Variants in ATRNL1 observed in about 807,000 individuals in gnomAD.
ATRNL1 encodes the protein attractin like 1, also known as attractin-like protein 1.
In ATRNL1, 95 loss-of-function variants were observed where a neutral mutation model predicts 182.7. The ratio of observed to expected loss-of-function variants is 0.52; its 90% CI spans 0.44 to 0.62. The LOEUF (loss-of-function observed/expected upper bound fraction) is 0.62. ATRNL1 is among the 20% of genes least tolerant of loss of function. The pLI, the probability that ATRNL1 is intolerant of heterozygous loss-of-function variation, is 0.00. For synonymous variants in ATRNL1, 576 were observed against 568.3 expected (o/e 1.01, Z -0.19); for missense variants, 1,471 against 1,679.5 (o/e 0.88, Z 2.17).
chr10:115,113,304 C>T (rs548506476), intron 1 of ATRNL1, among the ~76,000 whole-genome samples: 41 of 152,216 alleles, frequency 2.7e-4, no homozygotes, highest in African/African-American at 9.2e-4. Context: ...CATGACAATG[C>T]TTCTGTTCAT....
At chr10:115,599,408 A>C (rs146407074) in intron 26 of ATRNL1, among the ~76,000 whole-genome samples, 12 of 152,334 alleles carry the variant, frequency 7.9e-5, no homozygotes, top group Admixed American at 7.8e-4. Context: ...TCCAGGAGAC[A>C]GTTAATTAGT....
chr10:115,563,732 AAT>A (rs869211031), intron 26 of ATRNL1, among the ~76,000 whole-genome samples: 5 of 152,300 alleles, frequency 3.3e-5, no homozygotes, highest in East Asian at 3.9e-4. Flanking sequence ...TCAGAATAAA[AAT>A]ATGTTTGCAA....
At chr10:115,660,834 C>T (rs1860637603) in intron 26 of ATRNL1, among the ~76,000 whole-genome samples, 3 of 152,008 alleles carry the variant, frequency 2.0e-5, no homozygotes, top group Non-Finnish European at 4.4e-5. Context: ...CGATTGCATG[C>T]ATGCATGCAT....
chr10:115,623,772 G>T (rs1417700789), intron 26 of ATRNL1, among the ~76,000 whole-genome samples: 1 of 151,918 alleles, frequency 6.6e-6, no homozygotes, highest in African/African-American at 2.4e-5. Context: ...TCAATGATAG[G>T]TTTGAAAAGG....
At chr10:115,429,714 A>T (rs1846058944) in intron 21 of ATRNL1, among the ~76,000 whole-genome samples, 1 of 152,168 alleles carries the variant, frequency 6.6e-6, no homozygotes, top group African/African-American at 2.4e-5. Flanking sequence ...ATGAAAGAAG[A>T]CGATCTCTTT....
intron 25 of ATRNL1, among the ~76,000 whole-genome samples, chr10:115,546,521 C>T (rs1382115477): frequency 6.6e-6 from 1 of 151,452 alleles, no homozygotes; most frequent in Non-Finnish European, 1.5e-5. Flanking sequence ...AGGCTGAGAT[C>T]ACCCCACTGC....
intron 1 of ATRNL1, among the ~76,000 whole-genome samples, chr10:115,107,780 C>G (rs1449465984): frequency 1.3e-5 from 2 of 152,222 alleles, no homozygotes; most frequent in Non-Finnish European, 2.9e-5. Context: ...GGTTTATTTC[C>G]TATACTTTTC....
At chr10:115,759,715 G>A (rs2907519) in intron 27 of ATRNL1, among the ~76,000 whole-genome samples, 142,976 of 150,384 alleles carry the variant, frequency 0.95, 68,362 homozygotes, top group East Asian at 1. Flanking sequence ...TCTCCCTGTC[G>A]CCCCGGCTGG....
At chr10:115,505,080 G>C (rs1395626724) in intron 24 of ATRNL1, among the ~76,000 whole-genome samples, 1 of 152,094 alleles carries the variant, frequency 6.6e-6, no homozygotes, top group Non-Finnish European at 1.5e-5. Flanking sequence ...GAGACAAAAA[G>C]TCTGGTGGTG....
At chr10:115,738,170 G>A (rs1446918104) in intron 27 of ATRNL1, among the ~76,000 whole-genome samples, 2 of 50,264 alleles carry the variant, frequency 4.0e-5, no homozygotes, top group Admixed American at 4.2e-4. Context: ...ATGGAGTCCT[G>A]CTCTGTCGCC....
intron 25 of ATRNL1, among the ~76,000 whole-genome samples, chr10:115,527,236 A>C (rs1851268555): frequency 6.6e-6 from 1 of 151,502 alleles, no homozygotes. Context: ...CTCCCACCTC[A>C]GCCTCCTGAG....
At chr10:115,409,279 C>A (rs994113019) in intron 20 of ATRNL1, among the ~76,000 whole-genome samples, 1 of 152,062 alleles carries the variant, frequency 6.6e-6, no homozygotes, top group African/African-American at 2.4e-5. Flanking sequence ...AGAGTTCTTT[C>A]ACCTCCTTGG....
intron 27 of ATRNL1, among the ~76,000 whole-genome samples, chr10:115,844,912 C>T (rs1555098333): frequency 1.3e-5 from 2 of 151,990 alleles, no homozygotes; most frequent in African/African-American, 2.4e-5. Flanking sequence ...GTAGTTATCA[C>T]GAAACAACTG....
At chr10:115,280,268 T>C (rs1292884926) in intron 13 of ATRNL1, among the ~76,000 whole-genome samples, 2 of 152,204 alleles carry the variant, frequency 1.3e-5, no homozygotes, top group African/African-American at 4.8e-5. Context: ...AGAGAATCTC[T>C]AAGATCATTT....
In ATRNL1 at chr10:115,658,090, CTTTTTTTTT is replaced by C. The variant is rs71010038; in HGVS notation, c.3796-69143_3796-69135del. On this transcript the variant is annotated intron_variant, in intron 26 of 28. Coordinates refer to ENST00000355044, the MANE Select transcript of ATRNL1 (RefSeq NM_207303.4). Reference sequence around the variant, plus strand: ...ATTTATACTGTTAGTAATTTTTTTCCTTTTTTTTTTTTTTTTTTTTTTTGAGATGGAGTC... The same window carrying C: ...ATTTATACTGTTAGTAATTTTTTTCCTTTTTTTTTTTTTTGAGATGGAGTC... 5.5e-5 allele frequency among the ~76,000 whole-genome samples: 5 copies of C among 90,288 alleles called. No individual in the cohort carries two copies. In the East Asian group the frequency reaches 1.9e-3, roughly 33 times the overall value. 59.2% of individuals were successfully genotyped at this position (90,288 alleles called of 152,430 possible). A position where few individuals can be genotyped will look rare whatever the true frequency, so the allele number is the denominator to read the frequency against.
intron 27 of ATRNL1, among the ~76,000 whole-genome samples, chr10:115,773,214 A>C (rs1333181780): frequency 6.6e-6 from 1 of 152,108 alleles, no homozygotes; most frequent in Admixed American, 6.5e-5. Context: ...AGTGGCAAAA[A>C]ATCCATTCCC....
intron 28 of ATRNL1, among the ~76,000 whole-genome samples, chr10:115,896,443 A>G (rs1952211272): frequency 6.6e-6 from 1 of 152,222 alleles, no homozygotes; most frequent in African/African-American, 2.4e-5. Flanking sequence ...GCAAAACCTG[A>G]CAAAGATAGC....
At chr10:115,396,058 T>C (rs1182177338) in intron 20 of ATRNL1, among the ~76,000 whole-genome samples, 2 of 151,878 alleles carry the variant, frequency 1.3e-5, no homozygotes, top group Non-Finnish European at 2.9e-5. Context: ...TTTATTTTTA[T>C]TTAAAATAAA....
chr10:115,286,943 A>G (rs925239474), intron 15 of ATRNL1, among the ~76,000 whole-genome samples: 1 of 151,952 alleles, frequency 6.6e-6, no homozygotes, highest in Non-Finnish European at 1.5e-5. Flanking sequence ...TTTTAAGTAT[A>G]TGGGAGGATA....
Sources: gnomAD v4.1 joint callset for allele counts (sites outside exome capture counted in the v4.1 genomes callset) on GRCh38, gnomAD v4.1.1 for gene constraint, MANE v1.5 for transcripts, NCBI Gene and HGNC (gene_info 2026-07-23, HGNC 2026-07-21) for gene names.